Variants in ROBO2 observed in about 807,000 individuals in gnomAD.
ROBO2 encodes the protein roundabout guidance receptor 2, also known as roundabout homolog 2.
A neutral mutation model predicts 160.8 loss-of-function variants in ROBO2; 53 were observed. That is an observed-to-expected ratio of 0.33 (90% CI 0.26 to 0.41). The LOEUF (loss-of-function observed/expected upper bound fraction) is 0.41. ROBO2 is among the 10% of genes least tolerant of loss of function. ROBO2 has a pLI of 1.00. For synonymous variants in ROBO2, 664 were observed against 611.7 expected (o/e 1.09, Z -1.26); for missense variants, 1,577 against 1,722.4 (o/e 0.92, Z 1.49).
At chr3:77,631,694 A>C (rs748963661) in intron 23 of ROBO2, 20 of 152,102 alleles carry the variant, frequency 1.3e-4, no homozygotes, top group Non-Finnish European at 2.6e-4. Flanking sequence ...CAGCTCTTTA[A>C]ACGTAAAATT....
chr3:76,301,756 T>A (rs1237787449), intron 2 of ROBO2, among the ~76,000 whole-genome samples: 2 of 152,124 alleles, frequency 1.3e-5, no homozygotes, highest in African/African-American at 4.8e-5. Flanking sequence ...GAATTTTAGC[T>A]GGTCATTGCT....
intron 2 of ROBO2, among the ~76,000 whole-genome samples, chr3:77,472,657 A>G (rs927825587): frequency 6.6e-6 from 1 of 152,122 alleles, no homozygotes; most frequent in Middle Eastern, 3.2e-3. Context: ...CCTGTATTCT[A>G]ACTTAGATCT....
At chr3:77,643,253 A>C (rs2095373237) in intron 24 of ROBO2, among the ~76,000 whole-genome samples, 1 of 152,182 alleles carries the variant, frequency 6.6e-6, no homozygotes, top group Admixed American at 6.5e-5. Flanking sequence ...AAGATCGCTA[A>C]ATTTAATCTT....
intron 2 of ROBO2, among the ~76,000 whole-genome samples, chr3:76,053,479 T>A (rs2067723877): frequency 6.6e-6 from 1 of 152,068 alleles, no homozygotes; most frequent in Non-Finnish European, 1.5e-5. Flanking sequence ...AAAGATTTGT[T>A]ACAACTGTGG....
chr3:77,536,217 C>T (rs1267631501), intron 6 of ROBO2, among the ~76,000 whole-genome samples: 1 of 152,114 alleles, frequency 6.6e-6, no homozygotes, highest in Non-Finnish European at 1.5e-5. Flanking sequence ...ATCTAGACTG[C>T]CACAGGCCAC....
At chr3:76,315,959 A>G (rs2071986768) in intron 2 of ROBO2, among the ~76,000 whole-genome samples, 1 of 152,210 alleles carries the variant, frequency 6.6e-6, no homozygotes, top group Non-Finnish European at 1.5e-5. Flanking sequence ...TGGGGGTGAC[A>G]TCACACATTG....
chr3:76,503,279 C>T (rs1396659478), intron 2 of ROBO2, among the ~76,000 whole-genome samples: 3 of 152,084 alleles, frequency 2.0e-5, no homozygotes, highest in East Asian at 1.9e-4. Context: ...GGTTAGTTAG[C>T]GCCCACCAGA....
intron 2 of ROBO2, among the ~76,000 whole-genome samples, chr3:76,844,531 T>C (rs2068603547): frequency 6.6e-6 from 1 of 152,026 alleles, no homozygotes. Flanking sequence ...TAACATTGTG[T>C]ACTTGAGCCT....
chr3:77,210,635 C>A (rs913290146), intron 2 of ROBO2, among the ~76,000 whole-genome samples: 8 of 152,004 alleles, frequency 5.3e-5, no homozygotes, highest in African/African-American at 1.4e-4. Flanking sequence ...ATGTGCACAA[C>A]GTGCAGGTTT....
intron 2 of ROBO2, among the ~76,000 whole-genome samples, chr3:77,412,705 A>C (rs905384941): frequency 8.5e-5 from 13 of 152,174 alleles, no homozygotes; most frequent in Non-Finnish European, 1.5e-4. Context: ...CATCCTGCCA[A>C]GACTGATCCC....
At chr3:76,669,547 C>T (rs1250034676) in intron 2 of ROBO2, among the ~76,000 whole-genome samples, 2 of 152,076 alleles carry the variant, frequency 1.3e-5, no homozygotes, top group East Asian at 3.9e-4. Flanking sequence ...TGTTGTCTCA[C>T]CTGCTCTGCC....
chr3:77,481,546 C>G (rs1473753407), intron 4 of ROBO2, among the ~76,000 whole-genome samples: 1 of 152,084 alleles, frequency 6.6e-6, no homozygotes, highest in East Asian at 1.9e-4. Flanking sequence ...ATGCATTTAT[C>G]AGGTAGCTAT....
chr3:77,537,351 G>C (rs865931300), intron 6 of ROBO2, among the ~76,000 whole-genome samples: 5 of 152,054 alleles, frequency 3.3e-5, no homozygotes, highest in Admixed American at 2.6e-4. Context: ...TTCCAAGACT[G>C]TTTCTAAACT....
At chr3:77,032,754 C>T (rs2063397240) in intron 2 of ROBO2, among the ~76,000 whole-genome samples, 1 of 152,120 alleles carries the variant, frequency 6.6e-6, no homozygotes, top group Non-Finnish European at 1.5e-5. Flanking sequence ...TGCATTTTAT[C>T]CGATGGCTCA....
At chr3:76,952,625 C>T (rs1411715137) in intron 2 of ROBO2, among the ~76,000 whole-genome samples, 3 of 151,982 alleles carry the variant, frequency 2.0e-5, no homozygotes, top group African/African-American at 7.3e-5. Context: ...AACTTTTGCA[C>T]AGTCATGCAA....
At chr3:76,572,664 A>G (rs1167681549) in intron 2 of ROBO2, among the ~76,000 whole-genome samples, 3 of 152,154 alleles carry the variant, frequency 2.0e-5, no homozygotes, top group Non-Finnish European at 4.4e-5. Context: ...ATGACTGCAA[A>G]GCTTGGGGCA....
intron 2 of ROBO2, among the ~76,000 whole-genome samples, chr3:76,692,863 C>T (rs569362758): frequency 2.0e-5 from 3 of 151,906 alleles, no homozygotes; most frequent in Non-Finnish European, 2.9e-5. Context: ...ACAGAACACA[C>T]TCACAAACAC....
At chr3:75,996,160 A>G (rs2107536077) in intron 2 of ROBO2, among the ~76,000 whole-genome samples, 1 of 152,256 alleles carries the variant, frequency 6.6e-6, no homozygotes, top group Non-Finnish European at 1.5e-5. Flanking sequence ...CAGATTTTGG[A>G]GAAGACAGGG....
At chr3:76,395,048 T>C (rs192978687) in intron 2 of ROBO2, among the ~76,000 whole-genome samples, 1 of 152,230 alleles carries the variant, frequency 6.6e-6, no homozygotes, top group African/African-American at 2.4e-5. Context: ...GCACCACACC[T>C]ATTCCAACAT....
Sources: gnomAD v4.1 joint callset for allele counts (sites outside exome capture counted in the v4.1 genomes callset) on GRCh38, gnomAD v4.1.1 for gene constraint, MANE v1.5 for transcripts, NCBI Gene and HGNC (gene_info 2026-07-23, HGNC 2026-07-21) for gene names.